Variants in BFSP2 observed in about 807,000 individuals in gnomAD.
BFSP2 encodes beaded filament structural protein 2, also known as phakinin.
Under a neutral mutation model 44.9 loss-of-function variants are expected in BFSP2, and 38 were observed. That is an observed-to-expected ratio of 0.85 (90% CI 0.65 to 1.11). The LOEUF (loss-of-function observed/expected upper bound fraction) is 1.11. BFSP2 is among the 50% of genes least tolerant of loss of function. BFSP2 has a pLI of 0.00. For synonymous variants in BFSP2, 197 were observed against 209.9 expected (o/e 0.94, Z 0.53); for missense variants, 525 against 533.0 (o/e 0.99, Z 0.15).
At position 133,472,491 on chromosome 3, in the gene BFSP2, T is replaced by G. The variant is rs1369917277; in HGVS notation, c.1170T>G (p.His390Gln). 1.9e-6 allele frequency: 3 copies of G among 1,613,490 alleles called. No homozygotes were observed. In the East Asian group the frequency reaches 6.7e-5, roughly 36 times the overall value. The change falls in exon 6 of 7, where the codon CAT (histidine) becomes CAG (glutamine). Residue 390 changes from histidine (H) to glutamine (Q), a missense_variant. Transcript: ENST00000302334. ...EAEQQQQERAHLLARKCQLQK... is the reference protein window; with the variant it reads ...EAEQQQQERAQLLARKCQLQK... ...AGCAGCAGCAACAGGAGCGCGCGCA[T>G]CTGCTGGCCCGCAAGTGCCAGCTGC...
At chr3:133,404,327 C>CTGGG (rs2073386159) in intron 1 of BFSP2, among the ~76,000 whole-genome samples, 1 of 152,148 alleles carries the variant, frequency 6.6e-6, no homozygotes, top group Non-Finnish European at 1.5e-5. Flanking sequence ...GTTCTTGGCC[C>CTGGG]ACCTCTCTGC....
chr3:133,408,082 GATAA>G (rs1025916061), intron 1 of BFSP2, among the ~76,000 whole-genome samples: 5 of 151,170 alleles, frequency 3.3e-5, no homozygotes, highest in African/African-American at 1.2e-4. Context: ...AAAATTAAAA[GATAA>G]ATGACAAACT....
intron 1 of BFSP2, chr3:133,445,474 A>G (rs1191662274): frequency 1.3e-5 from 2 of 152,238 alleles, no homozygotes; most frequent in African/African-American, 4.8e-5. Flanking sequence ...TTCCCAGGTG[A>G]TGCTGCTGCC....
At chr3:133,424,067 C>T (rs1331037188) in intron 1 of BFSP2, among the ~76,000 whole-genome samples, 3 of 150,672 alleles carry the variant, frequency 2.0e-5, no homozygotes, top group Admixed American at 2.0e-4. Context: ...GCGGGGGCGG[C>T]GGGGAATGGA....
At chr3:133,474,825 G>A in intron 6 of BFSP2, 144 bp from the exon 7 acceptor site, 1 of 1,074,618 alleles carries the variant, frequency 9.3e-7, no homozygotes, top group Non-Finnish European at 1.4e-6. Flanking sequence ...AAATAACCAT[G>A]GAGTAATTAT....
intron 1 of BFSP2, among the ~76,000 whole-genome samples, chr3:133,435,458 T>C (rs1164101579): frequency 6.6e-6 from 1 of 152,226 alleles, no homozygotes; most frequent in Admixed American, 6.5e-5. Flanking sequence ...TTCAGGATTG[T>C]ACTGGTAAAG....
At chr3:133,439,592 A>G (rs1291973987) in intron 1 of BFSP2, among the ~76,000 whole-genome samples, 1 of 152,242 alleles carries the variant, frequency 6.6e-6, no homozygotes, top group Non-Finnish European at 1.5e-5. Context: ...GATGGATAGG[A>G]GTTCACCAGA....
chr3:133,448,600 A>G lies in BFSP2; in HGVS notation c.684A>G (p.Glu228=), dbSNP rs566476785. The G allele has an allele frequency of 2.5e-6, 4 of 1,614,068 alleles. No individual in the cohort carries two copies. In the South Asian group the frequency reaches 4.4e-5, roughly 18 times the overall value. The change falls in exon 3 of 7, where the codon GAA becomes GAG. Residue 228 remains glutamate, a synonymous_variant. Transcript: ENST00000302334. ...AAATGGACCTGGAGAGTCAAATAGAAAGTCTGAAAGAAGAACTTGGCTCTC... is the reference window on the plus strand; with the variant it reads ...AAATGGACCTGGAGAGTCAAATAGAGAGTCTGAAAGAAGAACTTGGCTCTC... ...LTKMDLESQI[E]SLKEELGSLS...
intron 4 of BFSP2, among the ~76,000 whole-genome samples, chr3:133,456,707 C>T (rs1247529835): frequency 6.6e-6 from 1 of 152,126 alleles, no homozygotes; most frequent in East Asian, 1.9e-4. Flanking sequence ...GCTCTGATCG[C>T]ACCACTGCAC....
chr3:133,458,403 C>T lies in BFSP2; in HGVS notation c.891+7939C>T, dbSNP rs149205215. ...TGCCTCTTCTTTTCTCTAGTTAAGA[C>T]AACACACAGGCTGGGTGTGGTGGCT... On this transcript the variant is annotated intron_variant, in intron 4 of 6. Transcript: ENST00000302334. Among the ~76,000 whole-genome samples the T allele has an allele frequency of 3.9e-5, 6 of 152,246 alleles. No homozygotes were observed. The East Asian group carries it at 1.2e-3, about 29-fold the overall frequency.
intron 1 of BFSP2, among the ~76,000 whole-genome samples, chr3:133,428,703 C>T (rs528665159): frequency 2.0e-5 from 3 of 152,330 alleles, no homozygotes; most frequent in Admixed American, 6.5e-5. Flanking sequence ...CGGGTAAACA[C>T]GCAGGGCCTG....
intron 1 of BFSP2, among the ~76,000 whole-genome samples, chr3:133,430,262 T>C (rs1420875387): frequency 6.6e-6 from 1 of 151,964 alleles, no homozygotes; most frequent in East Asian, 1.9e-4. Context: ...ATCCTTTGGG[T>C]ATATACCCAG....
At chr3:133,409,524 T>A (rs1454734427) in intron 1 of BFSP2, among the ~76,000 whole-genome samples, 1 of 152,098 alleles carries the variant, frequency 6.6e-6, no homozygotes, top group Admixed American at 6.5e-5. Flanking sequence ...CAGATTTGGG[T>A]CTCTAACAAC....
chr3:133,461,476 C>T (rs1217051559), intron 4 of BFSP2, among the ~76,000 whole-genome samples: 3 of 152,176 alleles, frequency 2.0e-5, no homozygotes, highest in Non-Finnish European at 4.4e-5. Flanking sequence ...TTTCATCACA[C>T]ACCCTAACAA....
At chr3:133,442,758 T>G (rs1311657720) in intron 1 of BFSP2, among the ~76,000 whole-genome samples, 1 of 151,996 alleles carries the variant, frequency 6.6e-6, no homozygotes, top group Admixed American at 6.6e-5. Flanking sequence ...GAGATCAAGA[T>G]GATCCCTTGG....
At chr3:133,438,426 T>G (rs898307188) in intron 1 of BFSP2, among the ~76,000 whole-genome samples, 4 of 152,072 alleles carry the variant, frequency 2.6e-5, no homozygotes, top group African/African-American at 9.7e-5. Context: ...TCCCAGCTAC[T>G]CAGGAGGCTG....
intron 4 of BFSP2, among the ~76,000 whole-genome samples, chr3:133,453,165 A>C (rs1049219999): frequency 9.2e-5 from 14 of 152,236 alleles, no homozygotes; most frequent in Non-Finnish European, 7.3e-5. Flanking sequence ...ATCTGAACTG[A>C]CAGCCAGAAT....
At chr3:133,420,134 G>C (rs62280908) in intron 1 of BFSP2, among the ~76,000 whole-genome samples, 108,866 of 152,202 alleles carry the variant, frequency 0.72, 41,229 homozygotes, top group Middle Eastern at 0.91. Flanking sequence ...TAGGTGGAAA[G>C]AGTGTATTAG....
intron 1 of BFSP2, among the ~76,000 whole-genome samples, chr3:133,445,068 G>T (rs549848812): frequency 2.0e-5 from 3 of 152,316 alleles, no homozygotes; most frequent in African/African-American, 7.2e-5. Flanking sequence ...CAACAAACAG[G>T]ACAGAGCCTG....
Sources: gnomAD v4.1 joint callset for allele counts (sites outside exome capture counted in the v4.1 genomes callset) on GRCh38, gnomAD v4.1.1 for gene constraint, MANE v1.5 for transcripts, NCBI Gene and HGNC (gene_info 2026-07-23, HGNC 2026-07-21) for gene names.